Variants in DISC1 observed in about 807,000 individuals in gnomAD.
DISC1 encodes the protein disrupted in schizophrenia 1 protein.
Under a neutral mutation model 84.5 loss-of-function variants are expected in DISC1, and 57 were observed. That is an observed-to-expected ratio of 0.67 (90% confidence interval 0.55 to 0.84). DISC1 has a LOEUF of 0.84. Ranked by LOEUF, DISC1 falls within the 40% of genes least tolerant of loss-of-function variation. The pLI, the probability that DISC1 is intolerant of heterozygous loss-of-function variation, is 0.00. For missense variants in DISC1, 1,000 were observed against 1,057.8 expected (o/e 0.95, Z 0.76); for synonymous variants, 411 against 415.2 (o/e 0.99, Z 0.12).
intron 3 of DISC1, among the ~76,000 whole-genome samples, chr1:231,742,234 T>TG (rs1341335079): frequency 1.3e-5 from 2 of 152,158 alleles, no homozygotes; most frequent in Non-Finnish European, 2.9e-5. Flanking sequence ...TCCCTCTGCC[T>TG]GGAATATCCA....
intron 6 of DISC1, among the ~76,000 whole-genome samples, chr1:231,781,159 T>TC (rs2077393643): frequency 1.3e-4 from 10 of 75,094 alleles, no homozygotes; most frequent in African/African-American, 6.0e-4. Flanking sequence ...TAAAGTATAA[T>TC]TAAAAAAAAA....
At chr1:231,883,134 G>C (rs940149078) in intron 9 of DISC1, among the ~76,000 whole-genome samples, 1 of 152,108 alleles carries the variant, frequency 6.6e-6, no homozygotes, top group African/African-American at 2.4e-5. Flanking sequence ...AACAGATTTG[G>C]TTGCTGAGAT....
At chr1:231,823,213 A>G (rs1346968502) in intron 9 of DISC1, among the ~76,000 whole-genome samples, 2 of 143,470 alleles carry the variant, frequency 1.4e-5, no homozygotes, top group Non-Finnish European at 3.0e-5. Context: ...TTTTTTCCAT[A>G]TATGTCAGAT....
At chr1:231,867,415 A>G (rs2085140785) in intron 9 of DISC1, among the ~76,000 whole-genome samples, 1 of 152,192 alleles carries the variant, frequency 6.6e-6, no homozygotes, top group Non-Finnish European at 1.5e-5. Context: ...TAGACCCTGG[A>G]GGCTGTAAAA....
rs541079083 is a variant in DISC1 at position 231,813,895 on chromosome 1, T to C, written c.1793-4434T>C. On this transcript the variant is annotated intron_variant, in intron 8 of 12. Transcript: ENST00000439617. ...GGAAGGCACCTTATCCCCTTTATTT[T>C]ATGGTAACTTCCTGGAGAGCAGGAG... 3.9e-5 allele frequency among the ~76,000 whole-genome samples: 6 copies of C among 152,302 alleles called. 1 individual carries two copies. The South Asian group carries it at 1.2e-3, about 32-fold the overall frequency.
chr1:231,685,158 G>A (rs1159280506), intron 1 of DISC1: 2 of 152,214 alleles, frequency 1.3e-5, no homozygotes, highest in African/African-American at 4.8e-5. Flanking sequence ...GGAGTGGGAA[G>A]GACTGCTTCA....
At chr1:231,629,431 G>A (rs55657680) in intron 1 of DISC1, 9,490 of 153,284 alleles carry the variant, frequency 0.062, 331 homozygotes, top group Middle Eastern at 0.087. Context: ...AGAAACTTCC[G>A]AGAGGAGCGT....
chr1:231,979,685 GAT>G (rs772792994), intron 10 of DISC1, among the ~76,000 whole-genome samples: 1 of 150,412 alleles, frequency 6.6e-6, no homozygotes, highest in Non-Finnish European at 1.5e-5. Flanking sequence ...ATAGTATACT[GAT>G]ATATATATAA....
chr1:231,865,773 G>T (rs2085014254), intron 9 of DISC1, among the ~76,000 whole-genome samples: 1 of 152,176 alleles, frequency 6.6e-6, no homozygotes, highest in African/African-American at 2.4e-5. Flanking sequence ...GAGAAGTCAG[G>T]TCTGCAGCCA....
In DISC1 at chr1:232,021,307, AG is replaced by A. The variant is rs371212956; in HGVS notation, c.2308-5126del. Among the ~76,000 whole-genome samples, 53 of 151,156 alleles carry A rather than the reference AG, an allele frequency of 3.5e-4. No individual in the cohort carries two copies. The South Asian group carries it at 0.01, about 30-fold the overall frequency. ...GGTATGTCTTCCTGCGGAATTTTCT[AG>A]GAAATTTTTACTGTACTTGTTCTAT... On this transcript the variant is annotated intron_variant, in intron 11 of 12. Coordinates refer to ENST00000439617, the MANE Select transcript of DISC1 (RefSeq NM_018662.3).
chr1:232,004,871 CCCTCCCTCCCTCCCTT>C (rs1667161049), intron 10 of DISC1, among the ~76,000 whole-genome samples: 1 of 78,342 alleles, frequency 1.3e-5, no homozygotes, highest in African/African-American at 5.5e-5. Context: ...CTCCCTGCCT[CCCTCCCTCCCTCCCTT>C]CCTTCCTTCC....
chr1:231,722,124 G>A, intron 3 of DISC1, among the ~76,000 whole-genome samples: 1 of 139,704 alleles, frequency 7.2e-6, no homozygotes, highest in African/African-American at 2.7e-5. Flanking sequence ...CTGCACTCCA[G>A]CCTGGCGACA....
chr1:231,875,152 C>A (rs2085783186), intron 9 of DISC1, among the ~76,000 whole-genome samples: 1 of 152,096 alleles, frequency 6.6e-6, no homozygotes, highest in South Asian at 2.1e-4. Flanking sequence ...TAAAATCTGC[C>A]CTGTCTGTGG....
chr1:231,988,807 A>G (rs1057123818), intron 10 of DISC1, among the ~76,000 whole-genome samples: 1 of 152,180 alleles, frequency 6.6e-6, no homozygotes, highest in African/African-American at 2.4e-5. Flanking sequence ...CTACACACAC[A>G]ATTTGTATAT....
chr1:231,774,281 G>A (rs888553742), intron 6 of DISC1, among the ~76,000 whole-genome samples: 1 of 151,972 alleles, frequency 6.6e-6, no homozygotes, highest in Non-Finnish European at 1.5e-5. Context: ...ATGTAAGGAC[G>A]AAGAGTTTCA....
At chr1:232,007,078 T>C (rs1399691220) in intron 10 of DISC1, among the ~76,000 whole-genome samples, 1 of 152,182 alleles carries the variant, frequency 6.6e-6, no homozygotes, top group Non-Finnish European at 1.5e-5. Context: ...TCTGCCTAGA[T>C]TTCAGAGGAT....
Position 231,960,356 on chromosome 1 carries a change from C to T in DISC1, c.2042+1468C>T, listed in dbSNP as rs1031652427. ...GCAACCTCTGCCTCCCAGGTACTAG[C>T]GATTCTCCTGTCTCAGCTTCCCAAG... On this transcript the variant is annotated intron_variant, in intron 10 of 12. Coordinates refer to ENST00000439617, the MANE Select transcript of DISC1 (RefSeq NM_018662.3). 8.5e-5 allele frequency among the ~76,000 whole-genome samples: 13 copies of T among 152,192 alleles called. No individual in the cohort carries two copies. The East Asian group carries it at 1.5e-3, about 18-fold the overall frequency.
intron 3 of DISC1, among the ~76,000 whole-genome samples, chr1:231,739,774 T>C (rs1482278118): frequency 6.6e-6 from 1 of 152,210 alleles, no homozygotes; most frequent in South Asian, 2.1e-4. Flanking sequence ...AAAAGTCTTG[T>C]CAATCATTTT....
intron 10 of DISC1, among the ~76,000 whole-genome samples, chr1:232,003,586 A>T (rs1045817974): frequency 6.6e-6 from 1 of 152,256 alleles, no homozygotes; most frequent in East Asian, 1.9e-4. Context: ...ATATATAAAG[A>T]TTTTAATAAC....
Sources: gnomAD v4.1 joint callset for allele counts (sites outside exome capture counted in the v4.1 genomes callset) on GRCh38, gnomAD v4.1.1 for gene constraint, MANE v1.5 for transcripts, NCBI Gene and HGNC (gene_info 2026-07-23, HGNC 2026-07-21) for gene names.